PPWD1: variants seen among roughly 807,000 people sequenced by gnomAD.
PPWD1 encodes the protein peptidylprolyl isomerase domain and WD repeat containing 1, also known as peptidylprolyl isomerase domain and WD repeat-containing protein 1.
In PPWD1, 43 loss-of-function variants were observed where a neutral mutation model predicts 68.8. That is an observed-to-expected ratio of 0.62 (90% CI 0.49 to 0.81). The LOEUF (loss-of-function observed/expected upper bound fraction) is 0.81, where lower values mean the gene tolerates loss of function less well. Among genes scored for constraint, PPWD1 ranks in the 30% least tolerant of loss-of-function variants. PPWD1 has a pLI of 0.00. For missense variants in PPWD1, 672 were observed against 804.8 expected, an observed-to-expected ratio of 0.83 and a Z score of 2.00; for synonymous variants, 232 against 258.7, an observed-to-expected ratio of 0.90 and a Z score of 0.99.
rs578191883 is a variant in PPWD1 at position 65,564,041 on chromosome 5, A to G, written c.196+535A>G. 4.2e-5 allele frequency: 23 copies of G among 546,434 alleles called. 1 individual carries two copies. In the African/African-American group the frequency reaches 4.9e-4, roughly 12 times the overall value. 33.8% of individuals were successfully genotyped at this position (546,434 alleles called of 1,614,324 possible). A position where few individuals can be genotyped will look rare whatever the true frequency, so the allele number is the denominator to read the frequency against. ...CTTCCTAGATCACAGATTTGTTTTC[A>G]TCCAAAACCCGAAGTCTGTGGTTTT... On this transcript the variant is annotated intron_variant, in intron 1 of 10. Transcript: ENST00000261308.
intron 6 of PPWD1, chr5:65,579,204 A>C: frequency 1.2e-5 from 7 of 593,078 alleles, no homozygotes; most frequent in South Asian, 5.7e-5. Context: ...GGTGTGAGCC[A>C]CCGTGCCTGG....
At chr5:65,581,748 GAAAC>G (rs1009688422) in intron 7 of PPWD1, among the ~76,000 whole-genome samples, 20 of 152,164 alleles carry the variant, frequency 1.3e-4, no homozygotes, top group Admixed American at 3.9e-4. Context: ...AAAAAATAGA[GAAAC>G]AAAATAAGTC....
At chr5:65,568,362 G>C (rs986930858) in intron 2 of PPWD1, among the ~76,000 whole-genome samples, 1 of 152,024 alleles carries the variant, frequency 6.6e-6, no homozygotes, top group Non-Finnish European at 1.5e-5. Flanking sequence ...GGATAATCTT[G>C]TGAGTTAGTA....
At chr5:65,582,884 GACACATCCTGT>G (rs898772702) in intron 7 of PPWD1, 143 bp from the exon 8 acceptor site, 1 of 985,158 alleles carries the variant, frequency 1.0e-6, no homozygotes, top group Admixed American at 3.6e-5. Flanking sequence ...TTAATTGCCT[GACACATCCTGT>G]ATGGGAAGTG....
chr5:65,586,236 G>T, intron 10 of PPWD1, 55 bp downstream of exon 10: 1 of 1,514,144 alleles, frequency 6.6e-7, no homozygotes, highest in South Asian at 1.3e-5. Flanking sequence ...TGATGTAAGA[G>T]AGTGAACTCA....
intron 5 of PPWD1, among the ~76,000 whole-genome samples, chr5:65,574,996 G>T (rs186699904): frequency 6.7e-4 from 102 of 152,330 alleles, no homozygotes; most frequent in Middle Eastern, 6.8e-3. Context: ...GGTGGTAGTG[G>T]AGGAGGGTAG....
rs553540180 is a variant in PPWD1, at chr5:65,563,691, A to C, written c.196+185A>C. ...GAAATAGTGATTTAAGCGTAGTACA[A>C]CGTCTTTTTGATAATATCTAACACT... On this transcript the variant is annotated intron_variant, in intron 1 of 10. Transcript: ENST00000261308. 4.4e-6 allele frequency: 6 copies of C among 1,369,438 alleles called. No homozygotes were observed. The East Asian group carries it at 1.5e-4, about 34-fold the overall frequency. The allele number at this position is 1,369,438 out of a possible 1,614,324, so 84.8% of individuals were successfully genotyped here. A position where few individuals can be genotyped will look rare whatever the true frequency, so the allele number is the denominator to read the frequency against.
chr5:65,573,509 A>G (rs1418999840), intron 5 of PPWD1, among the ~76,000 whole-genome samples: 2 of 34,542 alleles, frequency 5.8e-5, no homozygotes, highest in Non-Finnish European at 1.1e-4. Context: ...TTTTTTTAGT[A>G]CAGATGGTTT....
intron 5 of PPWD1, chr5:65,576,527 T>C: frequency 4.2e-6 from 1 of 240,676 alleles, no homozygotes; most frequent in African/African-American, 2.3e-5. Context: ...CAGGCACACA[T>C]CACCATGCCC....
chr5:65,578,808 G>GTA (rs1174295414), intron 6 of PPWD1, among the ~76,000 whole-genome samples: 7 of 123,156 alleles, frequency 5.7e-5, no homozygotes, highest in South Asian at 4.7e-4. Flanking sequence ...ATATATATGT[G>GTA]TATATATATA....
chr5:65,578,725 T>G, intron 6 of PPWD1, among the ~76,000 whole-genome samples: 1 of 97,314 alleles, frequency 1.0e-5, no homozygotes, highest in South Asian at 3.4e-4. Context: ...TGTATATACA[T>G]ATATATATAC....
chr5:65,576,761 G>T, intron 5 of PPWD1, 118 bp from the exon 6 acceptor site: 1 of 1,406,904 alleles, frequency 7.1e-7, no homozygotes. Context: ...ACAGTTAGTG[G>T]CTCTTAATAT....
chr5:65,563,377 G>A lies in PPWD1; in HGVS notation c.67G>A (p.Glu23Lys), dbSNP rs977647603. 1.1e-5 allele frequency: 18 copies of A among 1,614,014 alleles called. No individual in the cohort carries two copies. Among genetic ancestry groups the A allele is most frequent in the Non-Finnish European group, 1.4e-5 (16 of 1,180,038 alleles). Residue 23 changes from glutamate to lysine, a missense_variant, in exon 1 of 11, where the codon GAA becomes AAA. By Grantham distance (56) the Glu-to-Lys change is moderately conservative (BLOSUM62 1). Transcript: ENST00000261308. The part of the protein sequence containing the change: ...RRRRRDPEEP[E>K]KTELSERELA... ...AAGGCGCCGGGACCCGGAGGAACCG[G>A]AAAAAACAGAACTCAGCGAAAGAGA...
intron 5 of PPWD1, among the ~76,000 whole-genome samples, chr5:65,574,636 TG>T (rs1443475954): frequency 6.6e-6 from 1 of 151,482 alleles, no homozygotes; most frequent in Non-Finnish European, 1.5e-5. Flanking sequence ...GCTAATTTTT[TG>T]TATTTTTAGT....
chr5:65,585,589 C>T (rs74821527), intron 9 of PPWD1, among the ~76,000 whole-genome samples: 2,266 of 151,864 alleles, frequency 0.015, 19 homozygotes, highest in Non-Finnish European at 0.022. Flanking sequence ...AGGTCAGAAA[C>T]GGCAGGATGA....
Position 65,572,174 on chromosome 5 carries a change from T to C in PPWD1, c.857T>C (p.Val286Ala). 6.2e-7 allele frequency: 1 copy of C among 1,613,978 alleles called. No homozygotes were observed. Among genetic ancestry groups the C allele is most frequent in the Non-Finnish European group, 8.5e-7 (1 of 1,179,842 alleles). Reference protein sequence around the residue: ...FAKCKAYPTSVCFSPDGKKIA... With the variant: ...FAKCKAYPTSACFSPDGKKIA... ...AAGTGTAAGGCTTATCCAACCAGCG[T>C]ATGTTTTTCACCAGATGGGAAGAAA... The change falls in exon 5 of 11, where the codon GTA (valine) becomes GCA (alanine). Residue 286 changes from valine (V) to alanine (A), a missense_variant. Physicochemically the swap from Val to Ala is moderately conservative, Grantham distance 64. Transcript: ENST00000261308.
At position 65,576,896 on chromosome 5, in the gene PPWD1, A is replaced by G. The variant is rs1328123320; in HGVS notation, c.987A>G (p.Gln329=). The G allele has an allele frequency of 1.9e-6, 3 of 1,614,120 alleles. No individual in the cohort carries two copies. The highest frequency in any genetic ancestry group is 2.5e-6 in the Non-Finnish European group (3 of 1,179,972). ...DESLSMFTEL[Q]QMRQQLPDME... ...TTTCCTAGATGTTTACTGAACTGCA[A>G]CAGATGAGGCAACAGTTACCAGACA... is the stretch of plus-strand genomic sequence containing the variant. Residue 329 remains glutamine, a synonymous_variant, in exon 6 of 11, where the codon CAA becomes CAG. Transcript: ENST00000261308.
intron 8 of PPWD1, among the ~76,000 whole-genome samples, chr5:65,584,530 T>C (rs533795985): frequency 1.3e-5 from 2 of 152,242 alleles, no homozygotes; most frequent in East Asian, 3.9e-4. Context: ...TACTACTACA[T>C]GCAGACCTAT....
intron 3 of PPWD1, 53 bp from the exon 4 acceptor site, chr5:65,569,825 C>T (rs985928553): frequency 6.4e-7 from 1 of 1,565,216 alleles, no homozygotes; most frequent in Non-Finnish European, 8.7e-7. Flanking sequence ...GAATCATGCA[C>T]ACTTATTTTA....
Sources: allele counts gnomAD v4.1 joint callset (sites outside exome capture counted in the v4.1 genomes callset), GRCh38; gene constraint gnomAD v4.1.1; transcripts MANE v1.5; gene names NCBI Gene and HGNC (gene_info 2026-07-23, HGNC 2026-07-21).